DIS3L2: variants seen among roughly 807,000 people sequenced by gnomAD.
The protein encoded by DIS3L2 is DIS3 like 3'-5' exoribonuclease 2.
Under a neutral mutation model 97.5 loss-of-function variants are expected in DIS3L2, and 34 were observed. That is an observed-to-expected ratio of 0.35 (90% CI 0.27 to 0.46). DIS3L2 has a LOEUF of 0.46. DIS3L2 is among the 20% of genes least tolerant of loss of function. The probability of loss-of-function intolerance (pLI) is 1.00; values close to 1 mark genes in which losing one functional copy is unlikely to be tolerated. For missense variants in DIS3L2, 1,038 were observed against 1,146.0 expected (o/e 0.91, Z 1.36); for synonymous variants, 435 against 445.2 (o/e 0.98, Z 0.29).
chr2:232,070,123 A>G (rs1317409055), intron 5 of DIS3L2, among the ~76,000 whole-genome samples: 5 of 152,190 alleles, frequency 3.3e-5, no homozygotes, highest in African/African-American at 9.7e-5. Flanking sequence ...AATTTCAATA[A>G]TTATTCCTCC....
At chr2:232,338,329 C>A (rs916675695), downstream of DIS3L2, among the ~76,000 whole-genome samples, 48 of 152,292 alleles carry the variant, frequency 3.2e-4, no homozygotes, top group East Asian at 3.1e-3. Context: ...GTCCCTATGT[C>A]CCAGCGCCCC....
intron 5 of DIS3L2, among the ~76,000 whole-genome samples, chr2:232,045,131 T>TGGAA (rs1214607778): frequency 6.6e-6 from 1 of 152,188 alleles, no homozygotes; most frequent in Non-Finnish European, 1.5e-5. Flanking sequence ...GAATGCTTTC[T>TGGAA]GGAAAGGAAT....
At chr2:232,169,062 G>A (rs1185252427) in intron 9 of DIS3L2, among the ~76,000 whole-genome samples, 1 of 152,130 alleles carries the variant, frequency 6.6e-6, no homozygotes, top group African/African-American at 2.4e-5. Context: ...GTAGTCAAAT[G>A]TGGAATTGTA....
chr2:232,168,435 A>G (rs1454858239), intron 9 of DIS3L2, among the ~76,000 whole-genome samples: 1 of 152,190 alleles, frequency 6.6e-6, no homozygotes, highest in African/African-American at 2.4e-5. Context: ...TAATGATACT[A>G]CTAGGAGTAT....
intron 1 of DIS3L2, among the ~76,000 whole-genome samples, chr2:232,014,599 G>A (rs551015118): frequency 1.3e-5 from 2 of 152,278 alleles, no homozygotes; most frequent in African/African-American, 4.8e-5. Context: ...CCCCATTTGT[G>A]GAGATGTTTA....
At chr2:232,091,161 G>C (rs1432351547) in intron 6 of DIS3L2, among the ~76,000 whole-genome samples, 1 of 152,182 alleles carries the variant, frequency 6.6e-6, no homozygotes, top group Non-Finnish European at 1.5e-5. Context: ...GTGGAGCTTA[G>C]GGACAACCAA....
intron 8 of DIS3L2, among the ~76,000 whole-genome samples, chr2:232,161,491 G>A (rs1461328450): frequency 6.6e-6 from 1 of 151,764 alleles, no homozygotes; most frequent in Non-Finnish European, 1.5e-5. Flanking sequence ...TCTTTTTTGA[G>A]ATAGCATCTC....
chr2:231,992,335 C>T (rs1693608113), intron 1 of DIS3L2, among the ~76,000 whole-genome samples: 1 of 152,018 alleles, frequency 6.6e-6, no homozygotes, highest in Non-Finnish European at 1.5e-5. Flanking sequence ...GAGTACGGGC[C>T]ATGTTGGGGG....
intron 1 of DIS3L2, among the ~76,000 whole-genome samples, chr2:232,009,159 T>C (rs1156700191): frequency 6.6e-6 from 1 of 152,202 alleles, no homozygotes; most frequent in Non-Finnish European, 1.5e-5. Flanking sequence ...TTTGAACATA[T>C]TTATAATAGC....
chr2:232,246,554 TAAG>T (rs1010115324), intron 11 of DIS3L2, among the ~76,000 whole-genome samples: 16 of 152,190 alleles, frequency 1.1e-4, no homozygotes, highest in Non-Finnish European at 1.8e-4. Context: ...GTTCTACCAA[TAAG>T]AAGACCAAGA....
At chr2:232,124,952 A>G (rs1698012483) in intron 6 of DIS3L2, among the ~76,000 whole-genome samples, 1 of 152,200 alleles carries the variant, frequency 6.6e-6, no homozygotes, top group South Asian at 2.1e-4. Context: ...ATGGTTTTCC[A>G]TCACTAAAAT....
chr2:232,247,849 G>T (rs1489753430), intron 11 of DIS3L2, among the ~76,000 whole-genome samples: 1 of 152,164 alleles, frequency 6.6e-6, no homozygotes, highest in African/African-American at 2.4e-5. Flanking sequence ...CACAAAATAA[G>T]TTAGCAAAGA....
chr2:232,053,188 A>C (rs1367052806), intron 5 of DIS3L2, among the ~76,000 whole-genome samples: 3 of 152,224 alleles, frequency 2.0e-5, no homozygotes, highest in African/African-American at 7.2e-5. Flanking sequence ...AAATTCTTGA[A>C]CTTGAGTTTT....
intron 5 of DIS3L2, among the ~76,000 whole-genome samples, chr2:232,050,302 C>T (rs373916320): frequency 3.3e-5 from 5 of 152,116 alleles, no homozygotes; most frequent in East Asian, 1.9e-4. Context: ...GACGGAGTCT[C>T]GCTCTGTCGC....
At chr2:232,004,288 G>T (rs534725507) in intron 1 of DIS3L2, among the ~76,000 whole-genome samples, 1 of 152,120 alleles carries the variant, frequency 6.6e-6, no homozygotes, top group Admixed American at 6.5e-5. Flanking sequence ...GTCCAGGCTG[G>T]TCTCAAACTC....
At chr2:232,031,980 A>G (rs7609133) in intron 5 of DIS3L2, among the ~76,000 whole-genome samples, 119,420 of 151,192 alleles carry the variant, frequency 0.79, 47,594 homozygotes, top group African/African-American at 0.92. Context: ...ATGTGTGCAT[A>G]TGTCTTTACA....
At chr2:232,215,168 T>A (rs1406713718) in intron 10 of DIS3L2, among the ~76,000 whole-genome samples, 1 of 152,224 alleles carries the variant, frequency 6.6e-6, no homozygotes, top group Non-Finnish European at 1.5e-5. Flanking sequence ...AGTTTACACC[T>A]TAACCACAGT....
At chr2:232,061,498 T>C (rs1695702871) in intron 5 of DIS3L2, among the ~76,000 whole-genome samples, 1 of 152,244 alleles carries the variant, frequency 6.6e-6, no homozygotes, top group African/African-American at 2.4e-5. Context: ...TTTTATGTTA[T>C]TGTGAGCACA....
At chr2:231,978,922 C>T (rs1444916680) in intron 1 of DIS3L2, 1 of 152,154 alleles carries the variant, frequency 6.6e-6, no homozygotes, top group Non-Finnish European at 1.5e-5. Context: ...TTTAAAATTT[C>T]AATTTTGTTT....
Sources: gnomAD v4.1 joint callset for allele counts (sites outside exome capture counted in the v4.1 genomes callset) on GRCh38, gnomAD v4.1.1 for gene constraint, MANE v1.5 for transcripts, NCBI Gene and HGNC (gene_info 2026-07-23, HGNC 2026-07-21) for gene names.